Variants in TAFA4 observed in about 807,000 individuals in gnomAD.
The protein encoded by TAFA4 is TAFA chemokine like family member 4, also known as chemokine-like protein TAFA-4.
Under a neutral mutation model 21.1 loss-of-function variants are expected in TAFA4, and 20 were observed. The ratio of observed to expected loss-of-function variants is 0.95; its 90% CI spans 0.67 to 1.38. The LOEUF (loss-of-function observed/expected upper bound fraction) is 1.38. Ranked by LOEUF, TAFA4 falls within the 40% of genes most tolerant of loss-of-function variation. The pLI is 0.00. For missense variants in TAFA4, 211 were observed against 180.9 expected (o/e 1.17, Z -0.95); for synonymous variants, 71 against 67.4 (o/e 1.05, Z -0.26).
chr3:68,745,936 A>G (rs182302634), intron 4 of TAFA4, among the ~76,000 whole-genome samples: 7 of 152,190 alleles, frequency 4.6e-5, no homozygotes, highest in Non-Finnish European at 4.4e-5. Context: ...GGGTGTTGCC[A>G]AAGGAGATTA....
At chr3:68,900,295 T>C (rs568747693) in intron 1 of TAFA4, among the ~76,000 whole-genome samples, 2 of 135,472 alleles carry the variant, frequency 1.5e-5, no homozygotes, top group African/African-American at 2.9e-5. Flanking sequence ...ATAATAATAA[T>C]AATAATAATA....
chr3:68,820,349 A>G (rs531195216), intron 3 of TAFA4, among the ~76,000 whole-genome samples: 4 of 152,308 alleles, frequency 2.6e-5, no homozygotes, highest in African/African-American at 4.8e-5. Flanking sequence ...ACTGCACATC[A>G]TGGTGGCTAC....
intron 3 of TAFA4, among the ~76,000 whole-genome samples, chr3:68,759,968 G>C (rs1457469048): frequency 6.6e-6 from 1 of 152,002 alleles, no homozygotes; most frequent in South Asian, 2.1e-4. Context: ...GACTGTTCTT[G>C]GTGCTCTTTG....
chr3:68,766,061 G>C (rs985420686), intron 3 of TAFA4, among the ~76,000 whole-genome samples: 2 of 151,956 alleles, frequency 1.3e-5, no homozygotes, highest in Non-Finnish European at 2.9e-5. Context: ...AGAAAAGATA[G>C]AACTAGAGAA....
At chr3:68,925,168 T>G (rs1283379986) in intron 1 of TAFA4, among the ~76,000 whole-genome samples, 2 of 152,118 alleles carry the variant, frequency 1.3e-5, no homozygotes, top group African/African-American at 4.8e-5. Flanking sequence ...GGTAACCAAT[T>G]TTATGGCTCT....
intron 3 of TAFA4, among the ~76,000 whole-genome samples, chr3:68,798,241 T>C (rs975675238): frequency 2.6e-5 from 4 of 152,192 alleles, no homozygotes; most frequent in African/African-American, 9.7e-5. Context: ...CAAAGGTGAA[T>C]GCAGGGGAAG....
intron 3 of TAFA4, among the ~76,000 whole-genome samples, chr3:68,756,629 G>A (rs1702664831): frequency 6.6e-6 from 1 of 152,120 alleles, no homozygotes; most frequent in Non-Finnish European, 1.5e-5. Flanking sequence ...TCAATTACTG[G>A]TGAGAACAAA....
chr3:68,906,913 C>A (rs929285488), intron 1 of TAFA4, among the ~76,000 whole-genome samples: 3 of 151,274 alleles, frequency 2.0e-5, no homozygotes, highest in African/African-American at 7.3e-5. Flanking sequence ...TACCTGTGGT[C>A]TCAGTTACTT....
At chr3:68,863,393 C>G (rs1028386751) in intron 3 of TAFA4, among the ~76,000 whole-genome samples, 2 of 152,056 alleles carry the variant, frequency 1.3e-5, no homozygotes, top group Admixed American at 1.3e-4. Context: ...TGTATTTTTT[C>G]CATCAAAATG....
At chr3:68,826,162 G>A (rs1414503225) in intron 3 of TAFA4, among the ~76,000 whole-genome samples, 2 of 152,218 alleles carry the variant, frequency 1.3e-5, no homozygotes, top group African/African-American at 4.8e-5. Flanking sequence ...GATGCCCTAA[G>A]AACACTGGAC....
At chr3:68,792,108 A>G (rs1480983005) in intron 3 of TAFA4, among the ~76,000 whole-genome samples, 1 of 152,216 alleles carries the variant, frequency 6.6e-6, no homozygotes, top group Non-Finnish European at 1.5e-5. Context: ...TGTTCTTAGA[A>G]ACATGCCATC....
chr3:68,733,189 C>G lies in TAFA4; in HGVS notation c.412-36G>C, dbSNP rs200362841. On this transcript the variant is annotated intron_variant, in intron 5 of 5. Coordinates refer to ENST00000295569, the MANE Select transcript of TAFA4 (RefSeq NM_182522.5). ...TCAAAATAAGGGAACATTCAACACT[C>G]TATACCCACCGAAATAACCATTCCT... is the stretch of plus-strand genomic sequence containing the variant. 9.9e-5 allele frequency: 159 copies of G among 1,606,836 alleles called. No homozygotes were observed. The African/African-American group carries it at 1.9e-3, about 19-fold the overall frequency.
intron 3 of TAFA4, among the ~76,000 whole-genome samples, chr3:68,792,520 G>C (rs1703380639): frequency 6.6e-6 from 1 of 152,062 alleles, no homozygotes; most frequent in Non-Finnish European, 1.5e-5. Flanking sequence ...AAAAAAAGAA[G>C]AAATTTTTCT....
chr3:68,766,545 T>G (rs985234204), intron 3 of TAFA4, among the ~76,000 whole-genome samples: 1 of 131,636 alleles, frequency 7.6e-6, no homozygotes, highest in Non-Finnish European at 1.7e-5. Flanking sequence ...AAAATCAATT[T>G]TTCCTAAAAA....
rs1215928186 is a variant in TAFA4, at chr3:68,932,398, G to T, written c.-281C>A. 1 of 152,336 alleles carries T rather than the reference G, an allele frequency of 6.6e-6. No homozygotes were observed. Among genetic ancestry groups the T allele is most frequent in the African/African-American group, 2.4e-5 (1 of 41,456 alleles). The allele number at this position is 152,336 out of a possible 1,614,324, so 9.4% of individuals were successfully genotyped here. ...TCGCCAGGAGAAGAAAAGTTCCCAC[G>T]TCTCTACCAGGAGAAGCCCGAAGCT... is the stretch of plus-strand genomic sequence containing the variant. On this transcript the variant is annotated 5_prime_UTR_variant, in exon 1 of 6. Transcript: ENST00000295569.
chr3:68,739,124 T>A lies in TAFA4; in HGVS notation c.362A>T (p.Asp121Val). ...ACTGCTACAGGACCAACCTGAGTAA[T>A]CTGGCAGCACTTTACAATCCTCTCC... ...LEGEDCKVLP[D>V]YSGWSCSSGN... The change falls in exon 5 of 6, where the codon GAT becomes GTT. Residue 121 changes from aspartate to valine, a missense_variant. Transcript: ENST00000295569. The A allele has an allele frequency of 1.2e-6, 2 of 1,614,014 alleles. No homozygotes were observed. Among genetic ancestry groups the A allele is most frequent in the Non-Finnish European group, 1.7e-6 (2 of 1,179,908 alleles).
chr3:68,834,333 C>T (rs1704471330), intron 3 of TAFA4, among the ~76,000 whole-genome samples: 1 of 152,092 alleles, frequency 6.6e-6, no homozygotes, highest in Non-Finnish European at 1.5e-5. Flanking sequence ...GGTCTCTACT[C>T]CTCCTATTAT....
intron 3 of TAFA4, among the ~76,000 whole-genome samples, chr3:68,839,858 G>A (rs1237976622): frequency 2.0e-5 from 3 of 152,162 alleles, no homozygotes; most frequent in Non-Finnish European, 2.9e-5. Flanking sequence ...AGCAGTTGCT[G>A]GAGTAGGAAC....
At chr3:68,833,142 C>T (rs916400128) in intron 3 of TAFA4, among the ~76,000 whole-genome samples, 1 of 152,186 alleles carries the variant, frequency 6.6e-6, no homozygotes, top group African/African-American at 2.4e-5. Context: ...AGGGAAATCC[C>T]CCAACCCTTT....
Sources: gnomAD v4.1 joint callset for allele counts (sites outside exome capture counted in the v4.1 genomes callset) on GRCh38, gnomAD v4.1.1 for gene constraint, MANE v1.5 for transcripts, NCBI Gene and HGNC (gene_info 2026-07-23, HGNC 2026-07-21) for gene names.